The following MECOM variants were observed in gnomAD, a reference collection of about 807,000 sequenced individuals.
MECOM encodes the protein histone-lysine N-methyltransferase MECOM.
Under a neutral mutation model 116.3 loss-of-function variants are expected in MECOM, and 13 were observed. The ratio of observed to expected loss-of-function variants is 0.11; its 90% CI spans 0.07 to 0.18. MECOM has a LOEUF of 0.18. Ranked by LOEUF, MECOM falls within the 10% of genes least tolerant of loss-of-function variation. The pLI, the probability that MECOM is intolerant of heterozygous loss-of-function variation, is 1.00. For missense variants in MECOM, 1,299 were observed against 1,509.0 expected, an observed-to-expected ratio of 0.86 and a Z score of 2.31; for synonymous variants, 528 against 535.2, an observed-to-expected ratio of 0.99 and a Z score of 0.19.
intron 2 of MECOM, among the ~76,000 whole-genome samples, chr3:169,336,117 G>A (rs1416944921): frequency 6.6e-6 from 1 of 151,974 alleles, no homozygotes; most frequent in Non-Finnish European, 1.5e-5. Flanking sequence ...AGTAATTGTG[G>A]CCCACTTGGA....
chr3:169,098,265 C>G (rs562701941), intron 12 of MECOM, among the ~76,000 whole-genome samples: 1 of 152,296 alleles, frequency 6.6e-6, no homozygotes, highest in African/African-American at 2.4e-5. Flanking sequence ...GATCTATGAT[C>G]CCACATTGCA....
chr3:169,561,525 G>A (rs1306112266), intron 1 of MECOM, among the ~76,000 whole-genome samples: 1 of 152,118 alleles, frequency 6.6e-6, no homozygotes, highest in Non-Finnish European at 1.5e-5. Flanking sequence ...AAGTTTTAAA[G>A]CATACAAAAC....
At chr3:169,330,980 ATAGG>A (rs974837750) in intron 2 of MECOM, among the ~76,000 whole-genome samples, 4 of 152,126 alleles carry the variant, frequency 2.6e-5, no homozygotes, top group Admixed American at 6.6e-5. Flanking sequence ...CAGCTAAAGT[ATAGG>A]TAAATTTTAG....
chr3:169,439,908 A>G (rs1332082518), intron 1 of MECOM, among the ~76,000 whole-genome samples: 1 of 152,232 alleles, frequency 6.6e-6, no homozygotes, highest in East Asian at 1.9e-4. Context: ...AAAATATTGC[A>G]TGTAGAAAAG....
At chr3:169,424,235 C>T (rs1740261599) in intron 1 of MECOM, among the ~76,000 whole-genome samples, 1 of 152,122 alleles carries the variant, frequency 6.6e-6, no homozygotes, top group Non-Finnish European at 1.5e-5. Flanking sequence ...AGACAAGCAT[C>T]ATCAAGACTG....
chr3:169,564,600 A>G (rs1360205005), intron 1 of MECOM, among the ~76,000 whole-genome samples: 3 of 152,206 alleles, frequency 2.0e-5, no homozygotes, highest in Non-Finnish European at 4.4e-5. Context: ...CCCCCCCAAA[A>G]AATACTTTAG....
intron 1 of MECOM, among the ~76,000 whole-genome samples, chr3:169,500,014 G>T (rs905850843): frequency 8.6e-5 from 13 of 151,978 alleles, no homozygotes; most frequent in Non-Finnish European, 1.5e-5. Flanking sequence ...GTCACTTATG[G>T]CAACAGTGTG....
chr3:169,637,813 T>G (rs1458159737), intron 1 of MECOM, among the ~76,000 whole-genome samples: 1 of 152,220 alleles, frequency 6.6e-6, no homozygotes, highest in Non-Finnish European at 1.5e-5. Flanking sequence ...CATGGGCTCA[T>G]AAAATATTGA....
intron 4 of MECOM, among the ~76,000 whole-genome samples, chr3:169,128,865 C>G (rs1468473794): frequency 6.6e-6 from 1 of 152,146 alleles, no homozygotes; most frequent in East Asian, 1.9e-4. Context: ...GGCATTGTTT[C>G]TATTTTTGTC....
At chr3:169,622,020 T>C (rs976599650) in intron 1 of MECOM, among the ~76,000 whole-genome samples, 2 of 152,200 alleles carry the variant, frequency 1.3e-5, no homozygotes, top group African/African-American at 2.4e-5. Flanking sequence ...ATAATCTGTA[T>C]TTTAAGCACT....
chr3:169,202,704 G>A (rs1247706322), intron 2 of MECOM, among the ~76,000 whole-genome samples: 1 of 151,356 alleles, frequency 6.6e-6, no homozygotes, highest in African/African-American at 2.4e-5. Flanking sequence ...TCAATGTCCA[G>A]GGAGTGTACA....
chr3:169,536,816 T>A (rs949050175), intron 1 of MECOM, among the ~76,000 whole-genome samples: 4 of 152,126 alleles, frequency 2.6e-5, no homozygotes, highest in Admixed American at 6.5e-5. Flanking sequence ...AGGCACAAAT[T>A]TGAGTGACTA....
intron 1 of MECOM, among the ~76,000 whole-genome samples, chr3:169,436,688 C>A (rs1270862833): frequency 3.3e-5 from 5 of 152,062 alleles, no homozygotes; most frequent in African/African-American, 1.2e-4. Flanking sequence ...CTTTTCAGTG[C>A]CTAATACAGT....
At chr3:169,410,578 G>C (rs1332074042) in intron 1 of MECOM, among the ~76,000 whole-genome samples, 1 of 150,668 alleles carries the variant, frequency 6.6e-6, no homozygotes, top group African/African-American at 2.4e-5. Flanking sequence ...AGTAATACTT[G>C]TTATCAGAGA....
chr3:169,477,115 A>ATATATG (rs1235676990), intron 1 of MECOM: 1 of 33,698 alleles, frequency 3.0e-5, no homozygotes. Context: ...GTATATATAT[A>ATATATG]TATATATATA....
chr3:169,309,475 C>A (rs1718332107), intron 2 of MECOM, among the ~76,000 whole-genome samples: 1 of 152,154 alleles, frequency 6.6e-6, no homozygotes, highest in African/African-American at 2.4e-5. Flanking sequence ...CTAACTTCAT[C>A]TGGAAATCAA....
At chr3:169,385,932 C>A (rs755927957) in intron 1 of MECOM, among the ~76,000 whole-genome samples, 11 of 152,204 alleles carry the variant, frequency 7.2e-5, no homozygotes, top group Non-Finnish European at 1.6e-4. Flanking sequence ...TGGAGCTGAG[C>A]TGTCTGCTAC....
intron 2 of MECOM, among the ~76,000 whole-genome samples, chr3:169,327,655 AAAG>A (rs1722081723): frequency 2.0e-5 from 3 of 150,518 alleles, no homozygotes; most frequent in Admixed American, 6.6e-5. Context: ...AAAAAAAAAA[AAAG>A]AAAAAAAAGC....
At chr3:169,319,978 T>C (rs772792134) in intron 2 of MECOM, among the ~76,000 whole-genome samples, 156 of 152,304 alleles carry the variant, frequency 1.0e-3, no homozygotes, top group Non-Finnish European at 1.8e-3. Flanking sequence ...GTTCAAAGGA[T>C]TTAACAAGAG....
Sources: allele counts gnomAD v4.1 joint callset (sites outside exome capture counted in the v4.1 genomes callset), GRCh38; gene constraint gnomAD v4.1.1; transcripts MANE v1.5; gene names NCBI Gene and HGNC (gene_info 2026-07-23, HGNC 2026-07-21).